NDST4: variants seen among roughly 807,000 people sequenced by gnomAD.
NDST4 encodes the protein N-deacetylase and N-sulfotransferase 4, also known as N-heparan sulfate sulfotransferase 4.
Under a neutral mutation model 100.8 loss-of-function variants are expected in NDST4, and 63 were observed. The observed-to-expected ratio is 0.62, with a 90% confidence interval of 0.51 to 0.77. The LOEUF is 0.77. NDST4 is among the 30% of genes least tolerant of loss of function. The probability of loss-of-function intolerance (pLI) is 0.00; values close to 1 mark genes in which losing one functional copy is unlikely to be tolerated. For synonymous variants in NDST4, 377 were observed against 361.8 expected (o/e 1.04, Z -0.48); for missense variants, 943 against 1,018.4 (o/e 0.93, Z 1.01).
intron 4 of NDST4, among the ~76,000 whole-genome samples, chr4:114,945,561 T>C (rs1257547805): frequency 2.0e-5 from 3 of 152,164 alleles, no homozygotes; most frequent in African/African-American, 7.2e-5. Flanking sequence ...AATAAATTAG[T>C]GTGAAGAGAA....
intron 4 of NDST4, among the ~76,000 whole-genome samples, chr4:114,958,654 C>G (rs570405163): frequency 6.6e-6 from 1 of 152,150 alleles, no homozygotes; most frequent in African/African-American, 2.4e-5. Flanking sequence ...CCATTTTTCC[C>G]TCCTATGCCT....
chr4:114,835,482 CTGTT>C (rs1306831974), intron 11 of NDST4, among the ~76,000 whole-genome samples: 7 of 152,248 alleles, frequency 4.6e-5, no homozygotes, highest in African/African-American at 1.7e-4. Context: ...GTCTGAGAGA[CTGTT>C]TGTTATGATT....
At chr4:114,984,434 G>A (rs970833786) in intron 2 of NDST4, among the ~76,000 whole-genome samples, 4 of 146,746 alleles carry the variant, frequency 2.7e-5, no homozygotes, top group Non-Finnish European at 6.0e-5. Context: ...ATCCCAAAGT[G>A]CTGGGATTAC....
rs558576103 is a variant in NDST4 at position 115,031,058 on chromosome 4, C to T, written c.978+45001G>A. Among the ~76,000 whole-genome samples, 8 of 152,146 alleles carry T rather than the reference C, an allele frequency of 5.3e-5. No homozygotes were observed. In the South Asian group the frequency reaches 1.7e-3, roughly 32 times the overall value. ...TTTGATAGCTCATAACTTTTCTGTT[C>T]ATTGTCATTGTTAGAACAGTTTAAT... On this transcript the variant is annotated intron_variant, in intron 2 of 13. Transcript: ENST00000264363.
intron 1 of NDST4, among the ~76,000 whole-genome samples, chr4:115,100,075 T>C (rs1032631680): frequency 1.3e-5 from 2 of 152,146 alleles, no homozygotes; most frequent in Non-Finnish European, 2.9e-5. Flanking sequence ...GGTTATATAC[T>C]ATATAATTCC....
intron 2 of NDST4, among the ~76,000 whole-genome samples, chr4:115,070,763 A>G (rs1318632519): frequency 1.3e-5 from 2 of 152,142 alleles, no homozygotes; most frequent in African/African-American, 4.8e-5. Flanking sequence ...AGCTTAGGCC[A>G]ATTATATCTA....
intron 6 of NDST4, among the ~76,000 whole-genome samples, chr4:114,929,475 T>C (rs1725467760): frequency 6.6e-6 from 1 of 152,174 alleles, no homozygotes; most frequent in Non-Finnish European, 1.5e-5. Flanking sequence ...GACCATCTAC[T>C]CCTGCTGTGT....
At chr4:115,105,150 C>G (rs759885863) in intron 1 of NDST4, among the ~76,000 whole-genome samples, 1 of 152,112 alleles carries the variant, frequency 6.6e-6, no homozygotes, top group African/African-American at 2.4e-5. Context: ...ACAATATTAT[C>G]TCATCTTTAA....
intron 2 of NDST4, among the ~76,000 whole-genome samples, chr4:114,990,779 C>T (rs1727019941): frequency 6.6e-6 from 1 of 152,060 alleles, no homozygotes; most frequent in Non-Finnish European, 1.5e-5. Flanking sequence ...AAGCAATTTG[C>T]TTTTCTTTAT....
intron 6 of NDST4, among the ~76,000 whole-genome samples, chr4:114,901,803 A>G (rs1386767353): frequency 7.1e-6 from 1 of 139,960 alleles, no homozygotes; most frequent in Non-Finnish European, 1.6e-5. Flanking sequence ...TCCCCCTTCC[A>G]CTCCTTCTCT....
At chr4:115,053,473 T>C (rs1437415109) in intron 2 of NDST4, among the ~76,000 whole-genome samples, 1 of 152,114 alleles carries the variant, frequency 6.6e-6, no homozygotes, top group African/African-American at 2.4e-5. Flanking sequence ...TGCATATATA[T>C]CCTTTTTCCT....
At chr4:115,104,907 G>A (rs539314404) in intron 1 of NDST4, among the ~76,000 whole-genome samples, 26 of 152,156 alleles carry the variant, frequency 1.7e-4, no homozygotes, top group African/African-American at 6.0e-4. Flanking sequence ...ATCAAAACTT[G>A]ATACTATTAA....
At chr4:114,868,894 A>C (rs1724088114) in intron 7 of NDST4, among the ~76,000 whole-genome samples, 1 of 150,378 alleles carries the variant, frequency 6.6e-6, no homozygotes, top group African/African-American at 2.4e-5. Flanking sequence ...ACTTCCTAGG[A>C]ACTTACCCCT....
chr4:115,020,742 A>C (rs1578459286), intron 2 of NDST4, among the ~76,000 whole-genome samples: 1 of 152,258 alleles, frequency 6.6e-6, no homozygotes, highest in Non-Finnish European at 1.5e-5. Context: ...TCCCTTAAAA[A>C]GTGGACTAAG....
At chr4:115,000,102 T>G (rs1433403102) in intron 2 of NDST4, among the ~76,000 whole-genome samples, 1 of 151,724 alleles carries the variant, frequency 6.6e-6, no homozygotes, top group Admixed American at 6.6e-5. Context: ...TACAAACCTG[T>G]GTTTTGAAAT....
rs1285266936 is a variant in NDST4, at chr4:115,097,314, A to G, written c.-247+16130T>C. Among the ~76,000 whole-genome samples, 2 of 152,128 alleles carry G rather than the reference A, an allele frequency of 1.3e-5. 1 individual carries two copies. The highest frequency in any genetic ancestry group is 6.3e-3 in the Middle Eastern group (2 of 316). ...AAATCTAATGGGCATTTCCAACTTA[A>G]ATGAGACCAAACCTGATTATCTGAT... On this transcript the variant is annotated intron_variant, in intron 1 of 13. Transcript: ENST00000264363.
intron 2 of NDST4, among the ~76,000 whole-genome samples, chr4:115,050,349 A>G (rs1728557212): frequency 6.6e-6 from 1 of 152,038 alleles, no homozygotes; most frequent in African/African-American, 2.4e-5. Context: ...AATCTATATA[A>G]TCAATCATAA....
intron 2 of NDST4, among the ~76,000 whole-genome samples, chr4:115,007,445 C>T (rs905492809): frequency 2.6e-5 from 4 of 152,160 alleles, no homozygotes; most frequent in Admixed American, 2.6e-4. Flanking sequence ...CGAATGTAGA[C>T]AGCACCTTCA....
At chr4:114,984,457 C>T (rs914770136) in intron 2 of NDST4, among the ~76,000 whole-genome samples, 28 of 152,042 alleles carry the variant, frequency 1.8e-4, no homozygotes, top group African/African-American at 4.8e-4. Context: ...GCATGAGCAA[C>T]GGCGCCAGGC....
Sources: gnomAD v4.1 joint callset for allele counts (sites outside exome capture counted in the v4.1 genomes callset) on GRCh38, gnomAD v4.1.1 for gene constraint, MANE v1.5 for transcripts, NCBI Gene and HGNC (gene_info 2026-07-23, HGNC 2026-07-21) for gene names.